Variants in PLGRKT observed in about 807,000 individuals in gnomAD.
PLGRKT encodes the protein plasminogen receptor (KT).
PLGRKT carries 22 observed loss-of-function variants against 18.5 expected under a neutral mutation model. That is an observed-to-expected ratio of 1.19 (90% CI 0.85 to 1.70). The LOEUF (loss-of-function observed/expected upper bound fraction) is 1.70. Ranked by LOEUF, PLGRKT falls within the 40% of genes most tolerant of loss-of-function variation. The pLI is 0.00. For missense variants in PLGRKT, 235 were observed against 174.4 expected (o/e 1.35, Z -1.96); for synonymous variants, 72 against 52.8 (o/e 1.36, Z -1.58).
intron 3 of PLGRKT, among the ~76,000 whole-genome samples, chr9:5,403,091 T>A (rs1818185986): frequency 6.6e-6 from 1 of 151,872 alleles, no homozygotes; most frequent in Admixed American, 6.6e-5. Flanking sequence ...ATTATTGGTC[T>A]CAATGTAACA....
At chr9:5,370,011 C>T (rs1257567305) in intron 3 of PLGRKT, among the ~76,000 whole-genome samples, 4 of 152,022 alleles carry the variant, frequency 2.6e-5, no homozygotes, top group African/African-American at 9.7e-5. Context: ...ATGGGTGCAG[C>T]AAACCACCAT....
chr9:5,395,658 G>C (rs546655019), intron 3 of PLGRKT, among the ~76,000 whole-genome samples: 2 of 151,910 alleles, frequency 1.3e-5, no homozygotes, highest in East Asian at 1.9e-4. Context: ...TACTTGATCT[G>C]GCATTTTCTT....
chr9:5,420,899 T>C (rs533723283), intron 3 of PLGRKT, among the ~76,000 whole-genome samples: 1 of 152,376 alleles, frequency 6.6e-6, no homozygotes, highest in East Asian at 1.9e-4. Context: ...GTGTGACAGA[T>C]ACTGGGAGTT....
At chr9:5,395,365 T>C (rs905486036) in intron 3 of PLGRKT, among the ~76,000 whole-genome samples, 5 of 151,910 alleles carry the variant, frequency 3.3e-5, no homozygotes, top group Admixed American at 2.6e-4. Context: ...AGTTTATTTA[T>C]AATAATTGTC....
chr9:5,434,816 C>T (rs990976787), intron 2 of PLGRKT, among the ~76,000 whole-genome samples: 15 of 150,920 alleles, frequency 9.9e-5, no homozygotes, highest in African/African-American at 1.7e-4. Flanking sequence ...CCAACAGCTC[C>T]GAAGAGACAG....
At chr9:5,411,984 G>A (rs1335008228) in intron 3 of PLGRKT, among the ~76,000 whole-genome samples, 2 of 152,128 alleles carry the variant, frequency 1.3e-5, no homozygotes, top group African/African-American at 4.8e-5. Flanking sequence ...AATCAAACAT[G>A]AAAGATTATC....
chr9:5,434,678 C>A (rs1208443829), intron 2 of PLGRKT, among the ~76,000 whole-genome samples: 1 of 149,446 alleles, frequency 6.7e-6, no homozygotes, highest in Non-Finnish European at 1.5e-5. Context: ...GGCCGCCACC[C>A]CGTCTGGGAA....
At chr9:5,364,271 T>C (rs781178077) in intron 3 of PLGRKT, among the ~76,000 whole-genome samples, 1 of 152,172 alleles carries the variant, frequency 6.6e-6, no homozygotes, top group Non-Finnish European at 1.5e-5. Flanking sequence ...CTGAGAACCG[T>C]CACCTGAAAT....
chr9:5,371,103 C>T (rs1485281914), intron 3 of PLGRKT, among the ~76,000 whole-genome samples: 1 of 152,160 alleles, frequency 6.6e-6, no homozygotes, highest in Non-Finnish European at 1.5e-5. Flanking sequence ...GTACATGTAA[C>T]ATCTTATTAT....
At chr9:5,408,346 G>A (rs915212400) in intron 3 of PLGRKT, among the ~76,000 whole-genome samples, 7 of 152,314 alleles carry the variant, frequency 4.6e-5, no homozygotes, top group African/African-American at 1.7e-4. Context: ...GGGAAGCGGA[G>A]CAGTCACTTC....
In PLGRKT at chr9:5,383,660, T is replaced by G. The variant is rs148157046; in HGVS notation, c.82-21772A>C. Among the ~76,000 whole-genome samples, 157 of 152,230 alleles carry G rather than the reference T, an allele frequency of 1.0e-3. 1 individual carries two copies. The highest frequency in any genetic ancestry group is 3.1e-3 in the African/African-American group (128 of 41,554). ...TAGTGACAGGTCATCAGGCATTAGA[T>G]TCTCATAAGGAGCATGCAACCTACA... On this transcript the variant is annotated intron_variant, in intron 3 of 5. Transcript: ENST00000223864.
intron 3 of PLGRKT, among the ~76,000 whole-genome samples, chr9:5,403,177 G>T (rs1818187778): frequency 6.6e-6 from 1 of 150,434 alleles, no homozygotes; most frequent in African/African-American, 2.5e-5. Context: ...TAGGTGCTTT[G>T]TTATACAGCG....
chr9:5,414,030 G>C (rs1351863017), intron 3 of PLGRKT, among the ~76,000 whole-genome samples: 1 of 152,104 alleles, frequency 6.6e-6, no homozygotes, highest in African/African-American at 2.4e-5. Context: ...AATCAATGTA[G>C]GAAGGACAAA....
intron 3 of PLGRKT, among the ~76,000 whole-genome samples, chr9:5,402,741 A>T (rs1176428555): frequency 1.3e-5 from 2 of 152,032 alleles, no homozygotes; most frequent in African/African-American, 4.8e-5. Context: ...TCAGCATGAC[A>T]GACTATTTTT....
chr9:5,400,869 C>G (rs1818141052), intron 3 of PLGRKT, among the ~76,000 whole-genome samples: 1 of 151,830 alleles, frequency 6.6e-6, no homozygotes, highest in East Asian at 1.9e-4. Context: ...TGATGTAATT[C>G]TAACATATTT....
chr9:5,391,549 A>C (rs1817949653), intron 3 of PLGRKT, among the ~76,000 whole-genome samples: 1 of 151,944 alleles, frequency 6.6e-6, no homozygotes. Flanking sequence ...AGCAGTGATA[A>C]ACTGGTGTAG....
intron 1 of PLGRKT, among the ~76,000 whole-genome samples, chr9:5,437,162 T>C (rs1412151467): frequency 6.6e-6 from 1 of 152,156 alleles, no homozygotes; most frequent in Non-Finnish European, 1.5e-5. Flanking sequence ...GGAAGGTGTA[T>C]TTCTGGGGAG....
intron 3 of PLGRKT, among the ~76,000 whole-genome samples, chr9:5,381,180 G>C (rs1036699904): frequency 7.9e-5 from 12 of 152,200 alleles, no homozygotes; most frequent in African/African-American, 2.7e-4. Context: ...TGGGAGTTTG[G>C]AGCCAAATGT....
chr9:5,438,149 G>C (rs1237046799), upstream of PLGRKT, among the ~76,000 whole-genome samples: 4 of 152,172 alleles, frequency 2.6e-5, no homozygotes, highest in Non-Finnish European at 5.9e-5. Flanking sequence ...CTGTTAAATT[G>C]GCACTATTAA....
Sources: gnomAD v4.1 joint callset for allele counts (sites outside exome capture counted in the v4.1 genomes callset) on GRCh38, gnomAD v4.1.1 for gene constraint, MANE v1.5 for transcripts, NCBI Gene and HGNC (gene_info 2026-07-23, HGNC 2026-07-21) for gene names.